Variants in ACTA2 observed in about 807,000 individuals in gnomAD.
ACTA2 encodes the protein actin alpha 2, smooth muscle.
ACTA2 carries 12 observed loss-of-function variants against 39.5 expected under a neutral mutation model. The observed-to-expected ratio is 0.30, with a 90% confidence interval of 0.19 to 0.49. The LOEUF (loss-of-function observed/expected upper bound fraction) is 0.49. Ranked by LOEUF, ACTA2 falls within the 20% of genes least tolerant of loss-of-function variation. The probability of loss-of-function intolerance (pLI) is 0.99; values close to 1 mark genes in which losing one functional copy is unlikely to be tolerated. For synonymous variants in ACTA2, 158 were observed against 180.6 expected (o/e 0.88, Z 1.00); for missense variants, 236 against 498.8 (o/e 0.47, Z 5.02).
At chr10:88,971,078 T>C (rs1158634883) in intron 1 of ACTA2, among the ~76,000 whole-genome samples, 1 of 152,198 alleles carries the variant, frequency 6.6e-6, no homozygotes, top group Non-Finnish European at 1.5e-5. Context: ...ATAATAGACA[T>C]TTTCCCGAAT....
Position 88,948,840 on chromosome 10 carries a change from C to T in ACTA2, c.91G>A (p.Ala31Thr). Reference sequence around the variant, plus strand: ...CGTCCCACAATGGATGGGAAAACAGCCCTGGGAGCATCGTCCCCAGCAAAG... The same window carrying T: ...CGTCCCACAATGGATGGGAAAACAGTCCTGGGAGCATCGTCCCCAGCAAAG... ...AGFAGDDAPRAVFPSIVGRPR... is the reference protein window; with the variant it reads ...AGFAGDDAPRTVFPSIVGRPR... Residue 31 changes from alanine (A) to threonine (T), a missense_variant, in exon 2 of 9, where the codon GCT becomes ACT. Transcript: ENST00000224784. 2 of 1,613,970 alleles carry T rather than the reference C, an allele frequency of 1.2e-6. No individual in the cohort carries two copies. The highest frequency in any genetic ancestry group is 1.1e-5 in the South Asian group (1 of 91,078).
intron 2 of ACTA2, 117 bp downstream of exon 2, chr10:88,948,685 A>G: frequency 2.1e-6 from 3 of 1,419,604 alleles, no homozygotes; most frequent in Non-Finnish European, 3.0e-6. Flanking sequence ...TTAGAGGTCT[A>G]TTTGTAACAA....
upstream of ACTA2, among the ~76,000 whole-genome samples, chr10:88,957,578 G>A (rs576508530): frequency 6.6e-6 from 1 of 152,258 alleles, no homozygotes; most frequent in African/African-American, 2.4e-5. Flanking sequence ...TGGAACAATG[G>A]ACTTTCCCAT....
intron 8 of ACTA2, among the ~76,000 whole-genome samples, chr10:88,937,264 A>G (rs1041144690): frequency 5.3e-5 from 8 of 152,222 alleles, no homozygotes; most frequent in Non-Finnish European, 1.0e-4. Flanking sequence ...AAGGGAGTGC[A>G]AAGAGGAGAT....
At chr10:88,991,072 C>A in exon 1 of ACTA2, 1 of 806,564 alleles carries the variant, frequency 1.2e-6, no homozygotes, top group Non-Finnish European at 2.0e-6. Context: ...CTCCCGGGGG[C>A]TGTTAGGACC....
At position 88,973,397 on chromosome 10, in the gene ACTA2, T is replaced by C; in HGVS notation, c.-24+17542A>G. 2.2e-6 allele frequency: 3 copies of C among 1,371,336 alleles called. No homozygotes were observed. The South Asian group carries it at 5.5e-5, about 25-fold the overall frequency. 84.9% of individuals were successfully genotyped at this position (1,371,336 alleles called of 1,614,324 possible). A position where few individuals can be genotyped will look rare whatever the true frequency, so the allele number is the denominator to read the frequency against. On this transcript the variant is annotated intron_variant, in intron 1 of 4. Transcript: ENST00000415557. ...CAATTGTGAAAATCTTTCATAGAGTTCCCGATGAAAACAACTCTTTCTTGT... is the reference window on the plus strand; with the variant it reads ...CAATTGTGAAAATCTTTCATAGAGTCCCCGATGAAAACAACTCTTTCTTGT...
chr10:88,986,374 G>A (rs556676553), intron 1 of ACTA2, among the ~76,000 whole-genome samples: 1 of 152,300 alleles, frequency 6.6e-6, no homozygotes, highest in East Asian at 1.9e-4. Flanking sequence ...AGAAGCCAGG[G>A]CCCACAGAAC....
chr10:88,943,110 A>G (rs1027425845), intron 4 of ACTA2, among the ~76,000 whole-genome samples: 5 of 152,370 alleles, frequency 3.3e-5, no homozygotes, highest in African/African-American at 9.6e-5. Flanking sequence ...TGCTGAGCCC[A>G]GTACTTGACC....
chr10:88,984,432 C>G (rs1316057642), intron 1 of ACTA2, among the ~76,000 whole-genome samples: 1 of 152,116 alleles, frequency 6.6e-6, no homozygotes, highest in African/African-American at 2.4e-5. Context: ...CATGAAGGGC[C>G]TTAAATGATA....
intron 1 of ACTA2, among the ~76,000 whole-genome samples, chr10:88,987,233 G>T (rs72809360): frequency 0.088 from 13,348 of 152,260 alleles, 766 homozygotes; most frequent in Non-Finnish European, 0.12. Flanking sequence ...ATCTTTACTT[G>T]AGCTTGAAAC....
intron 5 of ACTA2, 143 bp downstream of exon 5, chr10:88,941,641 AC>A: frequency 7.0e-6 from 6 of 854,960 alleles, no homozygotes; most frequent in Non-Finnish European, 1.1e-5. Flanking sequence ...TATTTTGAAC[AC>A]TAGAAGAAGA....
chr10:88,961,395 AT>A (rs1047171303), intron 1 of ACTA2, among the ~76,000 whole-genome samples: 31 of 152,180 alleles, frequency 2.0e-4, no homozygotes, highest in African/African-American at 7.0e-4. Context: ...GTATCCTTTA[AT>A]TCTTTCACTT....
chr10:88,939,930 T>G (rs1845817405), intron 6 of ACTA2: 1 of 563,432 alleles, frequency 1.8e-6, no homozygotes, highest in East Asian at 3.1e-5. Flanking sequence ...ATGCATTGTC[T>G]GGGAAATGCA....
At chr10:88,971,767 A>G (rs1395986436) in intron 1 of ACTA2, among the ~76,000 whole-genome samples, 3 of 152,130 alleles carry the variant, frequency 2.0e-5, no homozygotes, top group Non-Finnish European at 2.9e-5. Flanking sequence ...TCCTTCCTGC[A>G]TATTTTCTCC....
At chr10:88,938,348 T>A in intron 7 of ACTA2, 106 bp from the exon 8 acceptor site, 1 of 1,259,908 alleles carries the variant, frequency 7.9e-7, no homozygotes, top group Admixed American at 1.7e-5. Flanking sequence ...GGACTGAGGC[T>A]GGGAAGACAT....
At chr10:88,938,329 T>C (rs978009606) in intron 7 of ACTA2, 87 bp from the exon 8 acceptor site, 4 of 1,433,306 alleles carry the variant, frequency 2.8e-6, no homozygotes, top group Non-Finnish European at 3.9e-6. Context: ...ATCTGGATGA[T>C]CTTGCAGTGG....
intron 1 of ACTA2, among the ~76,000 whole-genome samples, chr10:88,971,218 T>C (rs1476623052): frequency 6.6e-6 from 1 of 152,272 alleles, no homozygotes; most frequent in African/African-American, 2.4e-5. Flanking sequence ...TCACAACTTC[T>C]GCTACTTAAA....
At chr10:88,957,099 C>T (rs1048551610), upstream of ACTA2, among the ~76,000 whole-genome samples, 6 of 152,126 alleles carry the variant, frequency 3.9e-5, no homozygotes, top group Non-Finnish European at 8.8e-5. Context: ...ACTTAAGACA[C>T]GGTACACAAG....
intron 1 of ACTA2, among the ~76,000 whole-genome samples, chr10:88,960,585 C>T (rs148011552): frequency 7.9e-5 from 12 of 152,154 alleles, no homozygotes; most frequent in African/African-American, 2.7e-4. Context: ...CTAAAGAAGA[C>T]AAAATATCAG....
Sources: allele counts gnomAD v4.1 joint callset (sites outside exome capture counted in the v4.1 genomes callset), GRCh38; gene constraint gnomAD v4.1.1; transcripts MANE v1.5; gene names NCBI Gene and HGNC (gene_info 2026-07-23, HGNC 2026-07-21).